Variants in CSMD1 observed in about 807,000 individuals in gnomAD.
The protein encoded by CSMD1 is CUB and Sushi multiple domains 1, also known as CUB and sushi domain-containing protein 1.
A neutral mutation model predicts 417.5 loss-of-function variants in CSMD1; 213 were observed. That is an observed-to-expected ratio of 0.51 (90% CI 0.46 to 0.57). The LOEUF is 0.57. CSMD1 is among the 20% of genes least tolerant of loss of function. The pLI, the probability that CSMD1 is intolerant of heterozygous loss-of-function variation, is 0.00. For missense variants in CSMD1, 6,923 were observed against 4,529.7 expected, an observed-to-expected ratio of 1.53 and a Z score of -15.17; for synonymous variants, 2,862 against 1,736.8, an observed-to-expected ratio of 1.65 and a Z score of -16.11.
At chr8:3,724,892 A>G (rs1802396214) in intron 6 of CSMD1, among the ~76,000 whole-genome samples, 1 of 152,258 alleles carries the variant, frequency 6.6e-6, no homozygotes, top group Admixed American at 6.5e-5. Flanking sequence ...TGTCGCTATT[A>G]GATCTGCCAT....
chr8:3,014,855 G>C (rs1309323223), intron 52 of CSMD1, among the ~76,000 whole-genome samples: 2 of 151,938 alleles, frequency 1.3e-5, no homozygotes, highest in Non-Finnish European at 2.9e-5. Context: ...GGTCGAGGTA[G>C]CAGTGAGCTG....
At chr8:3,772,583 ATATT>A (rs1247924669) in intron 5 of CSMD1, among the ~76,000 whole-genome samples, 1 of 133,534 alleles carries the variant, frequency 7.5e-6, no homozygotes, top group African/African-American at 2.7e-5. Context: ...ATATACACAT[ATATT>A]TATATACATA....
At chr8:4,220,654 G>A (rs747381164) in intron 3 of CSMD1, among the ~76,000 whole-genome samples, 5 of 152,204 alleles carry the variant, frequency 3.3e-5, no homozygotes, top group Admixed American at 6.5e-5. Context: ...AACACAATTT[G>A]AAGATGGCTT....
At chr8:3,225,885 G>A (rs956287550) in intron 27 of CSMD1, among the ~76,000 whole-genome samples, 4 of 152,178 alleles carry the variant, frequency 2.6e-5, no homozygotes, top group African/African-American at 9.6e-5. Context: ...AGTAAAAAAT[G>A]CAACTCAGAG....
At chr8:4,490,657 G>T (rs1467894056) in intron 2 of CSMD1, among the ~76,000 whole-genome samples, 1 of 152,140 alleles carries the variant, frequency 6.6e-6, no homozygotes, top group East Asian at 1.9e-4. Flanking sequence ...CCCATGCTCA[G>T]AATGGTCTTA....
chr8:4,157,815 T>A (rs1022569841), intron 3 of CSMD1, among the ~76,000 whole-genome samples: 1 of 152,256 alleles, frequency 6.6e-6, no homozygotes, highest in East Asian at 1.9e-4. Context: ...TGGTCCAGCT[T>A]TAGTCAGTCT....
chr8:4,262,719 C>G (rs999357995), intron 3 of CSMD1, among the ~76,000 whole-genome samples: 2 of 152,170 alleles, frequency 1.3e-5, no homozygotes, highest in Admixed American at 6.5e-5. Context: ...GTCCCAAAAT[C>G]CACTTCCCTT....
At chr8:4,206,952 C>T (rs573611274) in intron 3 of CSMD1, among the ~76,000 whole-genome samples, 4 of 152,162 alleles carry the variant, frequency 2.6e-5, no homozygotes, top group East Asian at 1.9e-4. Flanking sequence ...GGATAAAATG[C>T]CTATTTCATA....
intron 3 of CSMD1, among the ~76,000 whole-genome samples, chr8:4,262,635 A>T (rs1803967852): frequency 1.3e-5 from 2 of 152,222 alleles, no homozygotes; most frequent in South Asian, 2.1e-4. Flanking sequence ...ATCGCCACCC[A>T]GTTAGCCTGG....
In CSMD1 at chr8:4,181,247, C is replaced by G. The variant is rs1173686193; in HGVS notation, c.416-149148G>C. Among the ~76,000 whole-genome samples, 3 of 152,252 alleles carry G rather than the reference C, an allele frequency of 2.0e-5. No individual in the cohort carries two copies. In the South Asian group the frequency reaches 6.2e-4, roughly 32 times the overall value. The stretch of plus-strand genomic sequence containing the variant: ...TTGGTACTTATTATCTATAGCCATA[C>G]CACCCTGAACGTGCCCAATCTCATC... On this transcript the variant is annotated intron_variant, in intron 3 of 69. Coordinates refer to ENST00000635120, the MANE Select transcript of CSMD1 (RefSeq NM_033225.6).
intron 3 of CSMD1, among the ~76,000 whole-genome samples, chr8:4,245,321 G>A (rs1297719634): frequency 6.6e-6 from 1 of 152,134 alleles, no homozygotes; most frequent in Non-Finnish European, 1.5e-5. Context: ...ATGTACTTGG[G>A]CTTGTGAGGC....
chr8:3,519,360 A>G (rs1319504967), intron 10 of CSMD1, among the ~76,000 whole-genome samples: 4 of 152,224 alleles, frequency 2.6e-5, no homozygotes, highest in East Asian at 1.9e-4. Flanking sequence ...AAAGAAGTCA[A>G]TCTTGAAAGG....
intron 3 of CSMD1, among the ~76,000 whole-genome samples, chr8:4,267,113 T>C (rs79312095): frequency 0.033 from 3,386 of 103,576 alleles, 886 homozygotes; most frequent in Admixed American, 0.17. Flanking sequence ...GAAAGTGCTT[T>C]CTAATGCAAT....
At chr8:3,440,233 C>G (rs1213461457) in intron 12 of CSMD1, among the ~76,000 whole-genome samples, 1 of 152,130 alleles carries the variant, frequency 6.6e-6, no homozygotes, top group Non-Finnish European at 1.5e-5. Flanking sequence ...AACTGTATAT[C>G]AATTTGGGAG....
intron 41 of CSMD1, among the ~76,000 whole-genome samples, chr8:3,124,807 C>A (rs766349055): frequency 6.6e-6 from 1 of 152,182 alleles, no homozygotes; most frequent in Non-Finnish European, 1.5e-5. Context: ...TCCCATCTGC[C>A]AGTCAACATC....
chr8:4,545,142 G>T (rs1476411533), intron 2 of CSMD1, among the ~76,000 whole-genome samples: 1 of 152,132 alleles, frequency 6.6e-6, no homozygotes, highest in Non-Finnish European at 1.5e-5. Context: ...GTTTTAAAGT[G>T]AAACAGACCT....
chr8:3,647,416 A>T (rs1438197027), intron 7 of CSMD1, among the ~76,000 whole-genome samples: 2 of 152,226 alleles, frequency 1.3e-5, no homozygotes, highest in African/African-American at 4.8e-5. Flanking sequence ...CACAAAGAGA[A>T]AAACAGCATA....
intron 1 of CSMD1, among the ~76,000 whole-genome samples, chr8:4,951,662 T>G (rs1808758603): frequency 6.6e-6 from 1 of 151,806 alleles, no homozygotes; most frequent in South Asian, 2.1e-4. Context: ...TATCTGGATT[T>G]CCTACTTTTA....
chr8:3,844,502 T>C (rs1413087704), intron 5 of CSMD1, among the ~76,000 whole-genome samples: 2 of 152,188 alleles, frequency 1.3e-5, no homozygotes, highest in Admixed American at 1.3e-4. Flanking sequence ...GTAATGTGAC[T>C]AACCGTAACT....
Sources: allele counts gnomAD v4.1 joint callset (sites outside exome capture counted in the v4.1 genomes callset), GRCh38; gene constraint gnomAD v4.1.1; transcripts MANE v1.5; gene names NCBI Gene and HGNC (gene_info 2026-07-23, HGNC 2026-07-21).